The following HS6ST3 variants were observed in gnomAD, a reference collection of about 807,000 sequenced individuals.
The protein encoded by HS6ST3 is heparan sulfate 6-O-sulfotransferase 3, also known as heparan-sulfate 6-O-sulfotransferase 3.
HS6ST3 carries 12 observed loss-of-function variants against 36.7 expected under a neutral mutation model. The ratio of observed to expected loss-of-function variants is 0.33; its 90% CI spans 0.21 to 0.53. HS6ST3 has a LOEUF of 0.53. Ranked by LOEUF, HS6ST3 falls within the 20% of genes least tolerant of loss-of-function variation. The pLI is 0.95. For missense variants in HS6ST3, 584 were observed against 640.9 expected, an observed-to-expected ratio of 0.91 and a Z score of 0.96; for synonymous variants, 240 against 257.5, an observed-to-expected ratio of 0.93 and a Z score of 0.65.
intron 1 of HS6ST3, among the ~76,000 whole-genome samples, chr13:96,698,831 G>T (rs891299087): frequency 6.6e-6 from 1 of 152,056 alleles, no homozygotes; most frequent in Non-Finnish European, 1.5e-5. Flanking sequence ...GAGGCATCAC[G>T]CTACCTGACT....
chr13:96,632,189 G>T (rs1342108519), intron 1 of HS6ST3, among the ~76,000 whole-genome samples: 4 of 152,044 alleles, frequency 2.6e-5, no homozygotes, highest in African/African-American at 9.7e-5. Context: ...CATCCCTTTT[G>T]CCCCTTCTGT....
intron 1 of HS6ST3, among the ~76,000 whole-genome samples, chr13:96,158,608 G>A (rs1337229504): frequency 1.5e-5 from 2 of 134,330 alleles, no homozygotes; most frequent in Non-Finnish European, 3.0e-5. Flanking sequence ...AGCCATGATC[G>A]CGCCATTGTG....
intron 1 of HS6ST3, among the ~76,000 whole-genome samples, chr13:96,285,536 T>C (rs1407483778): frequency 6.6e-6 from 1 of 152,130 alleles, no homozygotes; most frequent in Non-Finnish European, 1.5e-5. Context: ...TCTGCCTTAG[T>C]GAGAGAAATT....
intron 1 of HS6ST3, among the ~76,000 whole-genome samples, chr13:96,620,470 C>A (rs897651343): frequency 6.6e-6 from 1 of 152,192 alleles, no homozygotes; most frequent in African/African-American, 2.4e-5. Flanking sequence ...GTTCGAGAAA[C>A]AGTGAAGCAC....
chr13:96,723,807 A>C (rs1054501872), intron 1 of HS6ST3, among the ~76,000 whole-genome samples: 3 of 152,100 alleles, frequency 2.0e-5, no homozygotes, highest in Non-Finnish European at 4.4e-5. Flanking sequence ...GTTTTATCCC[A>C]CTTTTATTTC....
chr13:96,524,960 C>T (rs996815378), intron 1 of HS6ST3, among the ~76,000 whole-genome samples: 3 of 152,206 alleles, frequency 2.0e-5, no homozygotes, highest in African/African-American at 7.2e-5. Flanking sequence ...GAGCTGTTGA[C>T]TGGAGCTGTT....
At chr13:96,299,796 A>G (rs2054872668) in intron 1 of HS6ST3, among the ~76,000 whole-genome samples, 2 of 152,170 alleles carry the variant, frequency 1.3e-5, no homozygotes, top group South Asian at 4.1e-4. Flanking sequence ...TCCAGACCAG[A>G]AAATTAAAAT....
At position 96,637,739 on chromosome 13, in the gene HS6ST3, TA is replaced by T. The variant is rs534261943; in HGVS notation, c.708-194743del. Among the ~76,000 whole-genome samples, 15 of 151,910 alleles carry T rather than the reference TA, an allele frequency of 9.9e-5. No homozygotes were observed. In the East Asian group the frequency reaches 1.5e-3, roughly 16 times the overall value. Reference sequence around the variant, plus strand: ...AAATGGAGGAAAGAGAGTAAACAAATAAAAAAAACAATAATACATACTTTCT... The same window carrying T: ...AAATGGAGGAAAGAGAGTAAACAAATAAAAAAACAATAATACATACTTTCT... On this transcript the variant is annotated intron_variant, in intron 1 of 1. Coordinates refer to ENST00000376705, the MANE Select transcript of HS6ST3 (RefSeq NM_153456.4).
intron 1 of HS6ST3, among the ~76,000 whole-genome samples, chr13:96,755,340 G>T (rs1170839217): frequency 6.6e-6 from 1 of 151,010 alleles, no homozygotes; most frequent in Non-Finnish European, 1.5e-5. Flanking sequence ...CAGTAGTTCA[G>T]TTTTTTTGTT....
chr13:96,616,749 CT>C (rs2056475629), intron 1 of HS6ST3, among the ~76,000 whole-genome samples: 1 of 152,134 alleles, frequency 6.6e-6, no homozygotes, highest in Admixed American at 6.5e-5. Context: ...TGTAATAATT[CT>C]ATTTCCTTTC....
chr13:96,581,679 A>C (rs1229640207), intron 1 of HS6ST3, among the ~76,000 whole-genome samples: 1 of 152,204 alleles, frequency 6.6e-6, no homozygotes, highest in African/African-American at 2.4e-5. Context: ...CAAAAAGCAA[A>C]ACAAGGTAAT....
chr13:96,315,230 G>T (rs1231036150), intron 1 of HS6ST3, among the ~76,000 whole-genome samples: 2 of 152,124 alleles, frequency 1.3e-5, no homozygotes, highest in Non-Finnish European at 2.9e-5. Context: ...CTAAGATCTT[G>T]ACAACTGATA....
At chr13:96,472,265 T>C (rs575455103) in intron 1 of HS6ST3, among the ~76,000 whole-genome samples, 75 of 152,346 alleles carry the variant, frequency 4.9e-4, no homozygotes, top group African/African-American at 1.8e-3. Flanking sequence ...AAAGTGAAGT[T>C]CAAATTCTTT....
intron 1 of HS6ST3, among the ~76,000 whole-genome samples, chr13:96,515,897 A>C (rs1017690634): frequency 3.9e-5 from 6 of 152,138 alleles, no homozygotes; most frequent in Non-Finnish European, 2.9e-5. Context: ...AGTATAGTCT[A>C]AGATACTATT....
At chr13:96,146,873 T>C (rs2054060733) in intron 1 of HS6ST3, among the ~76,000 whole-genome samples, 1 of 152,212 alleles carries the variant, frequency 6.6e-6, no homozygotes, top group Non-Finnish European at 1.5e-5. Flanking sequence ...AGTTTTGAAC[T>C]GTCAAATGGA....
At chr13:96,627,597 A>G (rs1012080421) in intron 1 of HS6ST3, among the ~76,000 whole-genome samples, 3 of 151,778 alleles carry the variant, frequency 2.0e-5, no homozygotes, top group African/African-American at 7.3e-5. Context: ...TATGCCTAGT[A>G]TTTTTTATTT....
At chr13:96,803,716 G>T (rs1414886832) in intron 1 of HS6ST3, among the ~76,000 whole-genome samples, 3 of 152,104 alleles carry the variant, frequency 2.0e-5, no homozygotes, top group Non-Finnish European at 2.9e-5. Context: ...CTGAGAGTGG[G>T]GAGGCAAAAG....
intron 1 of HS6ST3, among the ~76,000 whole-genome samples, chr13:96,181,202 A>T (rs549923455): frequency 6.6e-6 from 1 of 152,184 alleles, no homozygotes; most frequent in Non-Finnish European, 1.5e-5. Flanking sequence ...TTGGTACTAG[A>T]TTATAAAAAT....
At chr13:96,226,481 T>C (rs1289227643) in intron 1 of HS6ST3, among the ~76,000 whole-genome samples, 2 of 152,078 alleles carry the variant, frequency 1.3e-5, no homozygotes, top group Non-Finnish European at 2.9e-5. Context: ...GATCGTGCCA[T>C]TGCACTCCAG....
Sources: gnomAD v4.1 joint callset for allele counts (sites outside exome capture counted in the v4.1 genomes callset) on GRCh38, gnomAD v4.1.1 for gene constraint, MANE v1.5 for transcripts, NCBI Gene and HGNC (gene_info 2026-07-23, HGNC 2026-07-21) for gene names.